The following EIF5B variants were observed in gnomAD, a reference collection of about 807,000 sequenced individuals.
The protein encoded by EIF5B is eukaryotic translation initiation factor 5B.
A neutral mutation model predicts 147.5 loss-of-function variants in EIF5B; 47 were observed. The ratio of observed to expected loss-of-function variants is 0.32; its 90% CI spans 0.25 to 0.41. The LOEUF is 0.41. Among genes scored for constraint, EIF5B ranks in the 10% least tolerant of loss-of-function variants. The probability of loss-of-function intolerance (pLI) is 1.00; values close to 1 mark genes in which losing one functional copy is unlikely to be tolerated. For missense variants in EIF5B, 1,064 were observed against 1,413.2 expected (o/e 0.75, Z 3.96); for synonymous variants, 455 against 456.2 (o/e 1.00, Z 0.03).
chr2:99,395,076 T>G (rs1427824849), intron 21 of EIF5B, among the ~76,000 whole-genome samples, 193 bp downstream of exon 21: 1 of 152,224 alleles, frequency 6.6e-6, no homozygotes. Context: ...AAACAAGTCT[T>G]GTCTGTGACT....
chr2:99,382,423 A>G (rs1162566298), intron 13 of EIF5B, among the ~76,000 whole-genome samples, 197 bp downstream of exon 13: 1 of 152,208 alleles, frequency 6.6e-6, no homozygotes, highest in Non-Finnish European at 1.5e-5. Flanking sequence ...GCTTTAAAAG[A>G]GCACCCCCTT....
chr2:99,395,018 T>G (rs1327697621), intron 21 of EIF5B, 135 bp downstream of exon 21: 1 of 861,084 alleles, frequency 1.2e-6, no homozygotes, highest in African/African-American at 1.7e-5. Flanking sequence ...TGAAATGGTG[T>G]GTTACAAACC....
Position 99,337,564 on chromosome 2 carries a change from A to C in EIF5B, c.10A>C (p.Lys4Gln). 1 of 1,613,142 alleles carries C rather than the reference A, an allele frequency of 6.2e-7. No individual in the cohort carries two copies. Among genetic ancestry groups the C allele is most frequent in the Non-Finnish European group, 8.5e-7 (1 of 1,179,622 alleles). Residue 4 changes from lysine (K) to glutamine (Q), a missense_variant, in exon 1 of 24, where the codon AAA becomes CAA. Lys to Gln is a moderately conservative substitution (Grantham distance 53). Around this residue, in one of 4 missense-constraint regions of EIF5B, gnomAD observed 458 missense variants for 451.3 expected, o/e 1.01. Coordinates refer to ENST00000289371, the MANE Select transcript of EIF5B (RefSeq NM_015904.4). ...GCGCCATTGACAAGCAATGGGGAAGAAACAGAAAAACAAGAGCGAAGACAG... is the reference window on the plus strand; with the variant it reads ...GCGCCATTGACAAGCAATGGGGAAGCAACAGAAAAACAAGAGCGAAGACAG... MGK[K>Q]QKNKSEDSTK...
chr2:99,354,558 C>T (rs1349931046), intron 1 of EIF5B, among the ~76,000 whole-genome samples: 1 of 152,128 alleles, frequency 6.6e-6, no homozygotes. Context: ...CTTTTAGTTT[C>T]AAGTCTTAAC....
At chr2:99,380,369 A>G (rs1356393482) in intron 12 of EIF5B, among the ~76,000 whole-genome samples, 1 of 152,106 alleles carries the variant, frequency 6.6e-6, no homozygotes, top group Non-Finnish European at 1.5e-5. Flanking sequence ...GTTTTGTATT[A>G]TTATGAACTC....
intron 9 of EIF5B, among the ~76,000 whole-genome samples, chr2:99,375,653 A>G (rs1321960389): frequency 3.3e-5 from 5 of 152,208 alleles, no homozygotes; most frequent in African/African-American, 9.6e-5. Context: ...TTGTTCTCCC[A>G]TGGATTCTGT....
intron 1 of EIF5B, among the ~76,000 whole-genome samples, chr2:99,339,138 C>T (rs931824993): frequency 6.6e-6 from 1 of 151,180 alleles, no homozygotes; most frequent in Non-Finnish European, 1.5e-5. Flanking sequence ...CCTCAGCCTC[C>T]GAGTAGCTAG....
chr2:99,339,395 A>G (rs1253165424), intron 1 of EIF5B, among the ~76,000 whole-genome samples: 5 of 152,094 alleles, frequency 3.3e-5, no homozygotes, highest in Admixed American at 3.3e-4. Flanking sequence ...AAATATTAAT[A>G]GTGATTCTTA....
At chr2:99,363,023 T>C (rs1190254163) in intron 4 of EIF5B, among the ~76,000 whole-genome samples, 2 of 152,098 alleles carry the variant, frequency 1.3e-5, no homozygotes, top group African/African-American at 4.8e-5. Flanking sequence ...CCTCCCAAAG[T>C]GTTGGGATTA....
At chr2:99,391,818 C>A (rs1674942947) in intron 17 of EIF5B, among the ~76,000 whole-genome samples, 1 of 151,060 alleles carries the variant, frequency 6.6e-6, no homozygotes, top group South Asian at 2.1e-4. Flanking sequence ...CAGCCTCAAC[C>A]TCCCCGGGGT....
intron 1 of EIF5B, among the ~76,000 whole-genome samples, chr2:99,354,954 C>T (rs987023517): frequency 9.9e-5 from 15 of 151,996 alleles, no homozygotes; most frequent in Non-Finnish European, 1.0e-4. Flanking sequence ...AGGCACCTGC[C>T]GCCACACCCA....
intron 21 of EIF5B, among the ~76,000 whole-genome samples, chr2:99,396,395 T>C (rs1377991505): frequency 6.6e-6 from 1 of 152,192 alleles, no homozygotes; most frequent in Non-Finnish European, 1.5e-5. Context: ...GACCTGCCTG[T>C]CACCAGGTAC....
chr2:99,367,900 A>G (rs1176224620), intron 6 of EIF5B, among the ~76,000 whole-genome samples: 1 of 152,234 alleles, frequency 6.6e-6, no homozygotes, highest in Non-Finnish European at 1.5e-5. Flanking sequence ...AGAAATGTTC[A>G]CACAGAAACC....
chr2:99,372,899 T>G (rs191868682), intron 9 of EIF5B, among the ~76,000 whole-genome samples: 7 of 152,264 alleles, frequency 4.6e-5, no homozygotes, highest in Admixed American at 3.9e-4. Flanking sequence ...GGTTTTTTTG[T>G]TTTTGCTTTT....
chr2:99,396,682 C>G, intron 21 of EIF5B, 78 bp from the exon 22 acceptor site: 3 of 1,501,606 alleles, frequency 2.0e-6, no homozygotes, highest in Non-Finnish European at 2.7e-6. Flanking sequence ...TGGGAGAAGC[C>G]TGATGTTCAG....
At chr2:99,350,323 A>C (rs915093282) in intron 1 of EIF5B, among the ~76,000 whole-genome samples, 72 of 152,226 alleles carry the variant, frequency 4.7e-4, no homozygotes, top group African/African-American at 1.7e-3. Flanking sequence ...TGGAATTGTT[A>C]GATTATATGA....
chr2:99,390,284 C>G lies in EIF5B; in HGVS notation c.2469C>G (p.Thr823=), dbSNP rs887708227. 3.1e-6 allele frequency: 5 copies of G among 1,614,102 alleles called. No homozygotes were observed. The highest frequency in any genetic ancestry group is 3.3e-4 in the Middle Eastern group (2 of 6,062). ...GCACTTTTGTGTCTTTGGTACCTAC[C>G]TCTGCACATACTGGTGATGGCATGG... The part of the protein sequence containing the change: ...DPRTFVSLVP[T]SAHTGDGMGS... The change falls in exon 16 of 24, where the codon ACC becomes ACG. Residue 823 remains threonine (T), a synonymous_variant. Coordinates refer to ENST00000289371, the MANE Select transcript of EIF5B (RefSeq NM_015904.4).
At chr2:99,380,098 A>G (rs1297971932) in intron 12 of EIF5B, among the ~76,000 whole-genome samples, 1 of 152,206 alleles carries the variant, frequency 6.6e-6, no homozygotes, top group Non-Finnish European at 1.5e-5. Context: ...AACGTTACCT[A>G]ATCTACTATT....
At chr2:99,361,101 C>T in intron 3 of EIF5B, 47 bp from the exon 4 acceptor site, 2 of 1,431,430 alleles carry the variant, frequency 1.4e-6, no homozygotes, top group Admixed American at 2.6e-5. Flanking sequence ...TGACTCTGGT[C>T]TCAATTATAA....
Sources: gnomAD v4.1 joint callset for allele counts (sites outside exome capture counted in the v4.1 genomes callset) on GRCh38, gnomAD v4.1.1 for gene constraint, gnomAD v4.1.1 regional missense constraint, MANE v1.5 for transcripts, NCBI Gene and HGNC (gene_info 2026-07-23, HGNC 2026-07-21) for gene names.